The following GABRA3 variants were observed in gnomAD, a reference collection of about 807,000 sequenced individuals.
GABRA3 encodes gamma-aminobutyric acid receptor subunit alpha-3.
In GABRA3, 10 loss-of-function variants were observed where a neutral mutation model predicts 30.1. The observed-to-expected ratio is 0.33, with a 90% CI of 0.20 to 0.56. GABRA3 has a LOEUF of 0.56. Ranked by LOEUF, GABRA3 falls within the 20% of genes least tolerant of loss-of-function variation. The probability of loss-of-function intolerance (pLI) is 0.89; values close to 1 mark genes in which losing one functional copy is unlikely to be tolerated. For missense variants in GABRA3, 233 were observed against 392.0 expected, an observed-to-expected ratio of 0.59 and a Z score of 3.42; for synonymous variants, 151 against 146.8, an observed-to-expected ratio of 1.03 and a Z score of -0.21.
intron 6 of GABRA3, among the ~76,000 whole-genome samples, chrX:152,208,899 C>T (rs1347310935): frequency 9.0e-6 from 1 of 111,405 alleles, no homozygotes; most frequent in Admixed American, 9.6e-5. Flanking sequence ...TATAATTTAC[C>T]TAGCTTCAGG....
At position 152,388,848 on chromosome X, in the gene GABRA3, C is replaced by G. The variant is rs1035472824; in HGVS notation, c.-26-24252G>C. Among the ~76,000 whole-genome samples the G allele has an allele frequency of 2.7e-5, 3 of 112,089 alleles. No homozygotes were observed. In the Admixed American group the frequency reaches 2.8e-4, roughly 11 times the overall value. ...AGCTATCACTTAAGTTTGAAAAATT[C>G]ATTATAATGGACACTCAAACAACTC... On this transcript the variant is annotated intron_variant, in intron 1 of 9. Transcript: ENST00000370314.
At chrX:152,403,560 ATGTGCACACGTGTGTG>A (rs1217842327) in intron 1 of GABRA3, among the ~76,000 whole-genome samples, 2 of 52,619 alleles carry the variant, frequency 3.8e-5, no homozygotes, top group Non-Finnish European at 1.0e-4. Flanking sequence ...ACGTGTGTGT[ATGTGCACACGTGTGTG>A]TGTGTGTGTG....
intron 5 of GABRA3, among the ~76,000 whole-genome samples, chrX:152,239,385 A>G (rs1603222249): frequency 9.6e-6 from 1 of 104,093 alleles, no homozygotes; most frequent in Non-Finnish European, 1.9e-5. Flanking sequence ...CTGTTCTTTT[A>G]CATTTGCTGA....
chrX:152,175,008 A>G (rs977580199), intron 9 of GABRA3, among the ~76,000 whole-genome samples: 1 of 111,742 alleles, frequency 8.9e-6, no homozygotes, highest in Admixed American at 9.5e-5. Flanking sequence ...CTTTCTCCAT[A>G]TGGCTAGCCA....
chrX:152,339,053 C>A (rs900063099), intron 3 of GABRA3, among the ~76,000 whole-genome samples: 9 of 109,761 alleles, frequency 8.2e-5, no homozygotes, highest in African/African-American at 3.0e-4. Flanking sequence ...TTTTTTTTTC[C>A]TATTTCTATG....
chrX:152,294,713 G>A (rs1391140914), intron 3 of GABRA3, among the ~76,000 whole-genome samples: 2 of 111,353 alleles, frequency 1.8e-5, no homozygotes, highest in Non-Finnish European at 3.8e-5. Flanking sequence ...GAGGCACTCT[G>A]GTTTTTAGAA....
intron 1 of GABRA3, among the ~76,000 whole-genome samples, chrX:152,395,145 T>C (rs1171909640): frequency 9.1e-6 from 1 of 110,393 alleles, no homozygotes; most frequent in Non-Finnish European, 1.9e-5. Flanking sequence ...TAATGACTCA[T>C]AAAAAAAATA....
intron 1 of GABRA3, among the ~76,000 whole-genome samples, chrX:152,437,127 C>T (rs1930796115): frequency 9.0e-6 from 1 of 111,179 alleles, no homozygotes; most frequent in South Asian, 3.7e-4. Flanking sequence ...GCAAATTAAA[C>T]CACAATGAGC....
intron 3 of GABRA3, among the ~76,000 whole-genome samples, chrX:152,290,315 T>G (rs1939383250): frequency 1.8e-5 from 2 of 112,313 alleles, no homozygotes; most frequent in South Asian, 7.4e-4. Flanking sequence ...TGTCTTCTTT[T>G]GAGAAGTGTA....
intron 1 of GABRA3, among the ~76,000 whole-genome samples, chrX:152,423,940 A>C (rs1569422450): frequency 9.0e-6 from 1 of 111,626 alleles, no homozygotes; most frequent in Non-Finnish European, 1.9e-5. Context: ...CAATCATAAA[A>C]ATACACACTA....
chrX:152,436,241 A>T (rs1389487297), intron 1 of GABRA3, among the ~76,000 whole-genome samples: 1 of 112,224 alleles, frequency 8.9e-6, no homozygotes, highest in Non-Finnish European at 1.9e-5. Flanking sequence ...TTTCAAAAAT[A>T]ATTTTTAAAT....
rs1929286462 is a variant in GABRA3, at chrX:152,385,769, ATAAGG to A, written c.-26-21178_-26-21174del. ...TAATCCATCTTGAATTAATTTTCGTATAAGGTGTAAGGAAGGGATCCAGTTTCAGC... is the reference window on the plus strand; with the variant it reads ...TAATCCATCTTGAATTAATTTTCGTATGTAAGGAAGGGATCCAGTTTCAGC... On this transcript the variant is annotated intron_variant, in intron 1 of 9. Coordinates refer to ENST00000370314, the MANE Select transcript of GABRA3 (RefSeq NM_000808.4). Among the ~76,000 whole-genome samples, 3 of 111,600 alleles carry A rather than the reference ATAAGG, an allele frequency of 2.7e-5. No homozygotes were observed. In the Admixed American group the frequency reaches 2.9e-4, roughly 11 times the overall value.
chrX:152,248,431 G>A (rs1238767047), intron 5 of GABRA3, among the ~76,000 whole-genome samples: 2 of 111,111 alleles, frequency 1.8e-5, no homozygotes, highest in Non-Finnish European at 3.8e-5. Flanking sequence ...AATAAGCACA[G>A]TGGTCTTGAA....
At chrX:152,241,931 T>C (rs977061096) in intron 5 of GABRA3, among the ~76,000 whole-genome samples, 19 of 111,397 alleles carry the variant, frequency 1.7e-4, no homozygotes, top group South Asian at 3.8e-4. Flanking sequence ...ATAAACCCGG[T>C]ACCTCAGATG....
rs1209897211 is a variant in GABRA3 at position 152,238,537 on chromosome X, T to C, written c.552-13692A>G. On this transcript the variant is annotated intron_variant, in intron 5 of 9. Coordinates refer to ENST00000370314, the MANE Select transcript of GABRA3 (RefSeq NM_000808.4). ...TGAGTTAGGGAGGATTCACTCTTTTTCTATTGATTGGAATAGTTTCAGAAG... is the reference window on the plus strand; with the variant it reads ...TGAGTTAGGGAGGATTCACTCTTTTCCTATTGATTGGAATAGTTTCAGAAG... 2.8e-5 allele frequency among the ~76,000 whole-genome samples: 3 copies of C among 108,191 alleles called. 1 individual carries two copies. The highest frequency in any genetic ancestry group is 5.8e-5 in the Non-Finnish European group (3 of 51,744). The allele number at this position is 108,191 out of a possible 115,157, so 94.0% of individuals were successfully genotyped here.
intron 1 of GABRA3, among the ~76,000 whole-genome samples, chrX:152,420,270 C>A (rs879122660): frequency 9.1e-6 from 1 of 109,640 alleles, no homozygotes; most frequent in Non-Finnish European, 1.9e-5. Flanking sequence ...AGGTCTTAGG[C>A]AATACAATAA....
In GABRA3 at chrX:152,394,466, A is replaced by T. The variant is rs72631816; in HGVS notation, c.-26-29870T>A. On this transcript the variant is annotated intron_variant, in intron 1 of 9. Coordinates refer to ENST00000370314, the MANE Select transcript of GABRA3 (RefSeq NM_000808.4). ...GTGGTGCATAAGCAGCCACCACAGG[A>T]GTCTGAGCATTTGACCACGATGCAC... is the stretch of plus-strand genomic sequence containing the variant. The T allele has an allele frequency of 1.3e-4, 49 of 385,972 alleles. 1 individual carries two copies. The highest frequency in any genetic ancestry group is 2.5e-5 in the African/African-American group (1 of 39,326). The allele number at this position is 385,972 out of a possible 1,213,427, so 31.8% of individuals were successfully genotyped here. A position where few individuals can be genotyped will look rare whatever the true frequency, so the allele number is the denominator to read the frequency against.
intron 3 of GABRA3, among the ~76,000 whole-genome samples, chrX:152,287,045 T>C (rs895428030): frequency 2.7e-5 from 3 of 111,614 alleles, no homozygotes; most frequent in Non-Finnish European, 3.8e-5. Flanking sequence ...CCTATATACC[T>C]ACTGTGTGAC....
intron 6 of GABRA3, among the ~76,000 whole-genome samples, chrX:152,209,007 A>C (rs1937606836): frequency 8.9e-6 from 1 of 112,545 alleles, no homozygotes; most frequent in Non-Finnish European, 1.9e-5. Flanking sequence ...GAAAAGTAGT[A>C]CAAATTCAAT....
Sources: allele counts gnomAD v4.1 joint callset (sites outside exome capture counted in the v4.1 genomes callset), GRCh38; gene constraint gnomAD v4.1.1; transcripts MANE v1.5; gene names NCBI Gene and HGNC (gene_info 2026-07-23, HGNC 2026-07-21).